The following LSG1 variants were observed in gnomAD, a reference collection of about 807,000 sequenced individuals.
LSG1 encodes large subunit GTPase 1 homolog.
In LSG1, 55 loss-of-function variants were observed where a neutral mutation model predicts 82.6. The ratio of observed to expected loss-of-function variants is 0.67; its 90% CI spans 0.54 to 0.83. LSG1 has a LOEUF of 0.83. LSG1 is among the 40% of genes least tolerant of loss of function. The pLI is 0.00. For synonymous variants in LSG1, 272 were observed against 282.5 expected, an observed-to-expected ratio of 0.96 and a Z score of 0.37; for missense variants, 809 against 807.9, an observed-to-expected ratio of 1.00 and a Z score of -0.02.
chr3:194,654,161 A>C (rs1345001305), intron 7 of LSG1, among the ~76,000 whole-genome samples: 1 of 152,228 alleles, frequency 6.6e-6, no homozygotes, highest in East Asian at 1.9e-4. Context: ...TTTAGAAGTC[A>C]AAGCACCATG....
At chr3:194,644,827 C>A in intron 12 of LSG1, 81 bp from the exon 13 acceptor site, 1 of 1,154,374 alleles carries the variant, frequency 8.7e-7, no homozygotes, top group South Asian at 2.0e-5. Flanking sequence ...CCCAGTCACA[C>A]TCTGATGGAG....
rs111743356 is a variant in LSG1 at position 194,641,684 on chromosome 3, A to G, written c.*384T>C. The G allele has an allele frequency of 1.6e-3, 254 of 158,526 alleles. No homozygotes were observed. The highest frequency in any genetic ancestry group is 5.9e-3 in the African/African-American group (245 of 41,632). The allele number at this position is 158,526 out of a possible 1,614,324, so 9.8% of individuals were successfully genotyped here. Reference sequence around the variant, plus strand: ...GCTGGAGTGCAGCGGCGCAATCTCCATTCACTGCAAACTCTGCCTCCCTGG... The same window carrying G: ...GCTGGAGTGCAGCGGCGCAATCTCCGTTCACTGCAAACTCTGCCTCCCTGG... On this transcript the variant is annotated 3_prime_UTR_variant, in exon 14 of 14. Coordinates refer to ENST00000265245, the MANE Select transcript of LSG1 (RefSeq NM_018385.3).
intron 10 of LSG1, 82 bp downstream of exon 10, chr3:194,650,799 T>C (rs1718657193): frequency 4.3e-6 from 6 of 1,402,196 alleles, no homozygotes; most frequent in Non-Finnish European, 5.8e-6. Flanking sequence ...TCATCAAATC[T>C]GAATCCCTCA....
chr3:194,645,587 C>CAG (rs1553845145), intron 12 of LSG1, among the ~76,000 whole-genome samples: 3 of 92,284 alleles, frequency 3.3e-5, no homozygotes, highest in African/African-American at 1.5e-4. Context: ...CACACACACA[C>CAG]ACACACACAC....
intron 5 of LSG1, among the ~76,000 whole-genome samples, chr3:194,663,328 G>A (rs1308423723): frequency 6.6e-6 from 1 of 152,046 alleles, no homozygotes; most frequent in African/African-American, 2.4e-5. Flanking sequence ...AGTAAAAGGA[G>A]CCTGCATGGA....
chr3:194,646,170 A>G lies in LSG1; in HGVS notation c.1617T>C (p.Tyr539=). Residue 539 remains tyrosine, a synonymous_variant, in exon 12 of 14, where the codon TAT becomes TAC. Coordinates refer to ENST00000265245, the MANE Select transcript of LSG1 (RefSeq NM_018385.3). ...AGAGGCAGGGTTCACTTACACTGAC[A>G]TAGTCCTTCAGGATGTAGCGCGCAG... ...PRSARYILKD[Y]VSGKLLYCHP... The G allele has an allele frequency of 6.2e-7, 1 of 1,614,056 alleles. No homozygotes were observed. The highest frequency in any genetic ancestry group is 8.5e-7 in the Non-Finnish European group (1 of 1,179,904).
At chr3:194,650,729 T>G (rs1461478508) in intron 10 of LSG1, 152 bp downstream of exon 10, 2 of 717,550 alleles carry the variant, frequency 2.8e-6, no homozygotes, top group Non-Finnish European at 4.4e-6. Flanking sequence ...GGTTCTATTC[T>G]GAAGTTCTCA....
At chr3:194,662,632 C>T (rs559367636) in intron 5 of LSG1, among the ~76,000 whole-genome samples, 25 of 152,200 alleles carry the variant, frequency 1.6e-4, no homozygotes, top group African/African-American at 5.5e-4. Flanking sequence ...CGTGGTGGCG[C>T]GTGCCTGTAA....
chr3:194,664,949 A>G (rs940634114), intron 5 of LSG1, among the ~76,000 whole-genome samples: 23 of 114,776 alleles, frequency 2.0e-4, no homozygotes, highest in Admixed American at 1.7e-3. Context: ...ATAAATAAAT[A>G]AAAAACATAA....
chr3:194,645,541 C>CACACACACAGACAGACAG (rs1560219674), intron 12 of LSG1: 1 of 40,742 alleles, frequency 2.5e-5, no homozygotes, highest in Non-Finnish European at 4.9e-5. Context: ...GACAGACACA[C>CACACACACAGACAGACAG]ACACACACAC....
chr3:194,667,942 A>AAT (rs763693435), intron 2 of LSG1, among the ~76,000 whole-genome samples: 110 of 86,938 alleles, frequency 1.3e-3, no homozygotes, highest in East Asian at 4.7e-3. Flanking sequence ...AAAAAAAAAA[A>AAT]ATATATATAT....
At chr3:194,661,072 T>G (rs936253310) in intron 5 of LSG1, among the ~76,000 whole-genome samples, 2 of 152,222 alleles carry the variant, frequency 1.3e-5, no homozygotes, top group Non-Finnish European at 2.9e-5. Flanking sequence ...TGAGGCAACT[T>G]TGCAAATATG....
intron 9 of LSG1, 33 bp from the exon 10 acceptor site, chr3:194,651,057 T>C: frequency 1.2e-6 from 2 of 1,614,088 alleles, no homozygotes; most frequent in Non-Finnish European, 1.7e-6. Flanking sequence ...GAGCTGGGTA[T>C]ACAACAGATA....
chr3:194,650,501 C>T (rs920329327), intron 10 of LSG1, among the ~76,000 whole-genome samples: 6 of 152,162 alleles, frequency 3.9e-5, no homozygotes, highest in Non-Finnish European at 8.8e-5. Context: ...AGCAAGTATT[C>T]AATATATGTT....
intron 5 of LSG1, among the ~76,000 whole-genome samples, chr3:194,660,486 C>A (rs1718903963): frequency 1.3e-5 from 2 of 152,136 alleles, no homozygotes; most frequent in African/African-American, 4.8e-5. Context: ...TTAAACTGTC[C>A]TGGTGAGATA....
chr3:194,662,404 G>A (rs1205793086), intron 5 of LSG1, among the ~76,000 whole-genome samples: 2 of 152,260 alleles, frequency 1.3e-5, no homozygotes, highest in East Asian at 1.9e-4. Context: ...CTGTGAAGGT[G>A]CCCAGCACCC....
rs927099559 is a variant in LSG1, at chr3:194,644,575, G to C, written c.1795C>G (p.Gln599Glu). Reference sequence around the variant, plus strand: ...TTAAGAAAAGCTTTAAAACTTACTTGATGGAAAAAAGTTTTGTCAACGATA... The same window carrying C: ...TTAAGAAAAGCTTTAAAACTTACTTCATGGAAAAAAGTTTTGTCAACGATA... ...ENIVDKTFFH[Q>E]ENVRALTKGV... The change falls in exon 13 of 14, where the codon CAA (glutamine) becomes GAA (glutamate). Residue 599 changes from glutamine to glutamate, a missense_variant and splice_region_variant. Transcript: ENST00000265245. The C allele has an allele frequency of 3.1e-6, 5 of 1,608,884 alleles. No individual in the cohort carries two copies. Among genetic ancestry groups the C allele is most frequent in the Admixed American group, 1.7e-5 (1 of 59,490 alleles).
At chr3:194,659,260 T>C (rs1186203571) in intron 6 of LSG1, 127 bp from the exon 7 acceptor site, 10 of 711,424 alleles carry the variant, frequency 1.4e-5, no homozygotes, top group Non-Finnish European at 2.4e-5. Context: ...ATTTAAACAT[T>C]TTTAATCATG....
In LSG1 at chr3:194,645,535, GACACACACACACACACACACACAC is replaced by G. The variant is rs61447438; in HGVS notation, c.1623+605_1623+628del. ...ACACACACACACACACACACAGACAGACACACACACACACACACACACACACACACACACAGACAGACACACACA... is the reference window on the plus strand; with the variant it reads ...ACACACACACACACACACACAGACAGACACACACACAGACAGACACACACA... On this transcript the variant is annotated intron_variant, in intron 12 of 13. Transcript: ENST00000265245. The G allele has an allele frequency of 4.6e-4, 16 of 34,992 alleles. 1 individual carries two copies. Among genetic ancestry groups the G allele is most frequent in the South Asian group, 2.1e-3 (2 of 954 alleles). The allele number at this position is 34,992 out of a possible 1,614,324, so 2.2% of individuals were successfully genotyped here.
Sources: gnomAD v4.1 joint callset for allele counts (sites outside exome capture counted in the v4.1 genomes callset) on GRCh38, gnomAD v4.1.1 for gene constraint, MANE v1.5 for transcripts, NCBI Gene and HGNC (gene_info 2026-07-23, HGNC 2026-07-21) for gene names.